ERCC4: variants seen among roughly 807,000 people sequenced by gnomAD.
ERCC4 encodes the protein ERCC excision repair 4, endonuclease catalytic subunit.
A neutral mutation model predicts 76.9 loss-of-function variants in ERCC4; 65 were observed. The observed-to-expected ratio is 0.84, with a 90% CI of 0.69 to 1.04. ERCC4 has a LOEUF of 1.04. Ranked by LOEUF, ERCC4 falls within the 50% of genes least tolerant of loss-of-function variation. The pLI, the probability that ERCC4 is intolerant of heterozygous loss-of-function variation, is 0.00. For missense variants in ERCC4, 1,214 were observed against 1,128.2 expected, an observed-to-expected ratio of 1.08 and a Z score of -1.09; for synonymous variants, 463 against 410.1, an observed-to-expected ratio of 1.13 and a Z score of -1.56.
Position 13,951,802 on chromosome 16 carries a change from T to A in ERCC4, c.*3455T>A. On this transcript the variant is annotated 3_prime_UTR_variant, in exon 11 of 11. Coordinates refer to ENST00000311895, the MANE Select transcript of ERCC4 (RefSeq NM_005236.3). ...TTTTGTTTTGCAAGCATAATTTGAT[T>A]TTCCTTTGGCTCAGAAAACTCATTT... 4.5e-6 allele frequency: 1 copy of A among 222,582 alleles called. No homozygotes were observed. The highest frequency in any genetic ancestry group is 1.8e-4 in the South Asian group (1 of 5,436). 13.8% of individuals were successfully genotyped at this position (222,582 alleles called of 1,614,324 possible).
Position 13,926,603 on chromosome 16 carries a change from A to G in ERCC4, c.431A>G (p.Gln144Arg). Residue 144 changes from glutamine to arginine, a missense_variant, in exon 3 of 11, where the codon CAA (glutamine) becomes CGA (arginine). Physicochemically the swap from Gln to Arg is conservative, Grantham distance 43. Coordinates refer to ENST00000311895, the MANE Select transcript of ERCC4 (RefSeq NM_005236.3). Reference sequence around the variant, plus strand: ...GCCCACAGAATAATCGAGTCTTGTCAAGAAGCATTCATCTTGCGCCTCTTT... The same window carrying G: ...GCCCACAGAATAATCGAGTCTTGTCGAGAAGCATTCATCTTGCGCCTCTTT... The part of the protein sequence containing the change: ...YRAHRIIESC[Q>R]EAFILRLFRQ... 1.2e-6 allele frequency: 2 copies of G among 1,614,184 alleles called. No individual in the cohort carries two copies. The highest frequency in any genetic ancestry group is 1.3e-5 in the African/African-American group (1 of 75,046).
chr16:13,922,470 C>G (rs1029434870), intron 2 of ERCC4: 2 of 755,992 alleles, frequency 2.6e-6, no homozygotes, highest in Non-Finnish European at 4.8e-6. Context: ...AGTAATTTAG[C>G]TTCACATACA....
chr16:13,944,186 T>C (rs1450315247), intron 9 of ERCC4: 1 of 158,114 alleles, frequency 6.3e-6, no homozygotes, highest in Non-Finnish European at 1.4e-5. Context: ...TATATCTATT[T>C]CAAAATCTTG....
chr16:13,951,942 C>T lies in ERCC4; in HGVS notation c.*3595C>T, dbSNP rs544234052. 4.3e-4 allele frequency: 92 copies of T among 211,900 alleles called. No homozygotes were observed. Among genetic ancestry groups the T allele is most frequent in the African/African-American group, 1.8e-3 (80 of 44,194 alleles). The allele number at this position is 211,900 out of a possible 1,614,324, so 13.1% of individuals were successfully genotyped here. On this transcript the variant is annotated 3_prime_UTR_variant, in exon 11 of 11. Transcript: ENST00000311895. ...ATATTAAAATTAAGCCAGGCTTTGA[C>T]GTGAATTATCACTTTTCTTTATTAT...
At chr16:13,926,981 G>A (rs906343483) in intron 3 of ERCC4, among the ~76,000 whole-genome samples, 5 of 152,132 alleles carry the variant, frequency 3.3e-5, no homozygotes, top group Non-Finnish European at 7.4e-5. Flanking sequence ...TTGCTTTTCT[G>A]CTGGTCCATC....
In ERCC4 at chr16:13,920,316, C is replaced by G. The variant is rs1436105543; in HGVS notation, c.151C>G (p.Leu51Val). The change falls in exon 1 of 11, where the codon CTG becomes GTG. Residue 51 changes from leucine to valine, a missense_variant. Coordinates refer to ENST00000311895, the MANE Select transcript of ERCC4 (RefSeq NM_005236.3). ...CCGGCTCCTCTACCACTTTCTCCAG[C>G]TGCACTGCCACCCAGCCTGCCTGGT... ...ADRLLYHFLQ[L>V]HCHPACLVLV... 4 of 1,601,668 alleles carry G rather than the reference C, an allele frequency of 2.5e-6. No individual in the cohort carries two copies. The African/African-American group carries it at 5.3e-5, about 21-fold the overall frequency.
chr16:13,948,125 G>T lies in ERCC4; in HGVS notation c.2529G>T (p.Lys843Asn). 3 of 1,614,192 alleles carry T rather than the reference G, an allele frequency of 1.9e-6. No homozygotes were observed. The South Asian group carries it at 3.3e-5, about 18-fold the overall frequency. Residue 843 changes from lysine (K) to asparagine (N), a missense_variant, in exon 11 of 11, where the codon AAG (lysine) becomes AAT (asparagine). Physicochemically the swap from Lys to Asn is moderately conservative, Grantham distance 94 (BLOSUM62 0). Transcript: ENST00000311895. ...ADSETLPESE[K>N]YNPGPQDFLL... ...CTGAAACCCTTCCCGAGTCAGAGAA[G>T]TATAATCCTGGTCCCCAAGACTTCT...
At chr16:13,921,238 A>G (rs1678061510) in intron 1 of ERCC4, among the ~76,000 whole-genome samples, 1 of 152,192 alleles carries the variant, frequency 6.6e-6, no homozygotes, top group Admixed American at 6.5e-5. Context: ...AGAGGGCCAT[A>G]GGGTCAGAAA....
At chr16:13,936,072 AAGTT>A (rs1342824974) in intron 8 of ERCC4, among the ~76,000 whole-genome samples, 1 of 152,180 alleles carries the variant, frequency 6.6e-6, no homozygotes, top group African/African-American at 2.4e-5. Flanking sequence ...TTTCTAACAA[AAGTT>A]AATATAACTG....
chr16:13,928,804 A>G (rs1213551403), intron 4 of ERCC4, among the ~76,000 whole-genome samples: 4 of 152,158 alleles, frequency 2.6e-5, no homozygotes, highest in Non-Finnish European at 4.4e-5. Context: ...TTACAGATAC[A>G]TAAACGTCTA....
chr16:13,928,137 A>T lies in ERCC4; in HGVS notation c.694A>T (p.Ile232Phe), dbSNP rs1217089217. The change falls in exon 4 of 11, where the codon ATT (isoleucine) becomes TTT (phenylalanine). Residue 232 changes from isoleucine to phenylalanine, a missense_variant. By Grantham distance (21) the Ile-to-Phe change is conservative. Transcript: ENST00000311895. ...TGCTATACAGACTGCTATACTGGACATTTTAAATGCATGTCTAAAGGAACT... is the reference window on the plus strand; with the variant it reads ...TGCTATACAGACTGCTATACTGGACTTTTTAAATGCATGTCTAAAGGAACT... ...MLAIQTAILD[I>F]LNACLKELKC... The T allele has an allele frequency of 6.2e-7, 1 of 1,613,298 alleles. No individual in the cohort carries two copies. The highest frequency in any genetic ancestry group is 8.5e-7 in the Non-Finnish European group (1 of 1,179,326).
intron 9 of ERCC4, among the ~76,000 whole-genome samples, chr16:13,939,638 G>A (rs1038194480): frequency 7.2e-5 from 11 of 152,116 alleles, no homozygotes; most frequent in East Asian, 1.9e-4. Flanking sequence ...CAGTAAGACC[G>A]CACTGAAGCA....
Position 13,935,648 on chromosome 16 carries a change from A to C in ERCC4, c.1716A>C (p.Glu572Asp), listed in dbSNP as rs2032273838. The change falls in exon 8 of 11, where the codon GAA (glutamate) becomes GAC (aspartate). Residue 572 changes from glutamate to aspartate, a missense_variant. Coordinates refer to ENST00000311895, the MANE Select transcript of ERCC4 (RefSeq NM_005236.3). ...DPYALTRVLH[E>D]VEPRYVVLYD... ...ATGCTCTGACAAGGGTACTACATGA[A>C]GTGGAGCCAAGATACGTGGTTCTTT... The C allele has an allele frequency of 1.9e-6, 3 of 1,614,064 alleles. No individual in the cohort carries two copies. In the East Asian group the frequency reaches 6.7e-5, roughly 36 times the overall value.
chr16:13,941,150 A>G (rs570138114), intron 9 of ERCC4, among the ~76,000 whole-genome samples: 5 of 152,166 alleles, frequency 3.3e-5, no homozygotes, highest in Admixed American at 2.6e-4. Flanking sequence ...ATACTGGAAA[A>G]CCTCACTCAG....
At position 13,951,164 on chromosome 16, in the gene ERCC4, T is replaced by A. The variant is rs972581231; in HGVS notation, c.*2817T>A. 8.7e-5 allele frequency: 16 copies of A among 183,978 alleles called. No homozygotes were observed. The highest frequency in any genetic ancestry group is 2.3e-4 in the African/African-American group (10 of 42,724). The allele number at this position is 183,978 out of a possible 1,614,324, so 11.4% of individuals were successfully genotyped here. On this transcript the variant is annotated 3_prime_UTR_variant, in exon 11 of 11. Coordinates refer to ENST00000311895, the MANE Select transcript of ERCC4 (RefSeq NM_005236.3). Reference sequence around the variant, plus strand: ...GTGTTTACTTAGATTTTTATAAAAATTTTTTTTACAATCTAATAATCTTTG... The same window carrying A: ...GTGTTTACTTAGATTTTTATAAAAAATTTTTTTACAATCTAATAATCTTTG...
chr16:13,920,450 A>G, intron 1 of ERCC4, 78 bp downstream of exon 1: 1 of 1,258,592 alleles, frequency 7.9e-7, no homozygotes, highest in Non-Finnish European at 1.1e-6. Context: ...GGCCTCTGAC[A>G]GGGATGGAGG....
chr16:13,944,623 TATC>T, intron 9 of ERCC4, 97 bp from the exon 10 acceptor site: 3 of 790,698 alleles, frequency 3.8e-6, no homozygotes, highest in Non-Finnish European at 6.7e-6. Context: ...CTCTTACTGC[TATC>T]ATCATGTAGA....
chr16:13,924,929 C>T (rs1417498141), intron 2 of ERCC4, among the ~76,000 whole-genome samples: 1 of 152,072 alleles, frequency 6.6e-6, no homozygotes, highest in East Asian at 1.9e-4. Flanking sequence ...TTTTGTGGAG[C>T]TAAAACTCCT....
Position 13,926,700 on chromosome 16 carries a change from T to C in ERCC4, c.528T>C (p.Cys176=). ...DNAVAFDTGF[C]HVERVMRNLF... ...CTGTTGCCTTTGATACTGGTTTTTG[T>C]CATGTGGAAAGAGTGATGAGAAATC... The change falls in exon 3 of 11, where the codon TGT becomes TGC. Residue 176 remains cysteine, a synonymous_variant. Coordinates refer to ENST00000311895, the MANE Select transcript of ERCC4 (RefSeq NM_005236.3). 1 of 1,614,160 alleles carries C rather than the reference T, an allele frequency of 6.2e-7. No individual in the cohort carries two copies. Among genetic ancestry groups the C allele is most frequent in the Non-Finnish European group, 8.5e-7 (1 of 1,180,014 alleles).
Sources: gnomAD v4.1 joint callset for allele counts (sites outside exome capture counted in the v4.1 genomes callset) on GRCh38, gnomAD v4.1.1 for gene constraint, MANE v1.5 for transcripts, NCBI Gene and HGNC (gene_info 2026-07-23, HGNC 2026-07-21) for gene names.